Variants in IPO11 observed in about 807,000 individuals in gnomAD.
IPO11 encodes importin-11.
Under a neutral mutation model 143.2 loss-of-function variants are expected in IPO11, and 66 were observed. The observed-to-expected ratio is 0.46, with a 90% CI of 0.38 to 0.57. The LOEUF (loss-of-function observed/expected upper bound fraction) is 0.57, where lower values mean the gene tolerates loss of function less well. Ranked by LOEUF, IPO11 falls within the 20% of genes least tolerant of loss-of-function variation. The pLI is 0.00. For synonymous variants in IPO11, 385 were observed against 377.8 expected (o/e 1.02, Z -0.22); for missense variants, 1,026 against 1,141.0 (o/e 0.90, Z 1.45).
intron 2 of IPO11, among the ~76,000 whole-genome samples, chr5:62,440,428 C>T (rs919732979): frequency 7.4e-5 from 11 of 147,700 alleles, no homozygotes; most frequent in Admixed American, 6.9e-4. Flanking sequence ...GATCTCAGCT[C>T]ACTGCAACTT....
intron 24 of IPO11, among the ~76,000 whole-genome samples, chr5:62,549,408 A>G (rs1475375736): frequency 1.3e-5 from 2 of 152,178 alleles, no homozygotes; most frequent in African/African-American, 2.4e-5. Context: ...GGAGTACACT[A>G]TTGGCACACA....
chr5:62,489,068 T>C (rs974961711), intron 13 of IPO11, among the ~76,000 whole-genome samples: 1 of 152,208 alleles, frequency 6.6e-6, no homozygotes, highest in Admixed American at 6.5e-5. Flanking sequence ...TTTTCTAGAA[T>C]ATTGCTTGTC....
chr5:62,450,069 G>A, intron 4 of IPO11, 70 bp downstream of exon 4: 1 of 961,010 alleles, frequency 1.0e-6, no homozygotes, highest in Non-Finnish European at 1.6e-6. Flanking sequence ...TTATATTCTG[G>A]CATTAAAATG....
chr5:62,550,483 C>A (rs1228755796), intron 25 of IPO11, 21 bp downstream of exon 25: 3 of 1,505,816 alleles, frequency 2.0e-6, no homozygotes, highest in Admixed American at 1.7e-5. Flanking sequence ...TCTTTAAGTT[C>A]CAAAGGTAGT....
chr5:62,532,984 A>G lies in IPO11; in HGVS notation c.2089+2199A>G, dbSNP rs114471049. Among the ~76,000 whole-genome samples, 1,202 of 152,276 alleles carry G rather than the reference A, an allele frequency of 7.9e-3. 20 individuals carry two copies. Among genetic ancestry groups the G allele is most frequent in the African/African-American group, 0.027 (1,138 of 41,568 alleles). The stretch of plus-strand genomic sequence containing the variant: ...TATTTTATAAAGTTTCAATGAATAT[A>G]GGTGATGTGGATTCTATTATTTATT... On this transcript the variant is annotated intron_variant, in intron 22 of 29. Transcript: ENST00000325324.
chr5:62,506,235 C>T lies in IPO11; in HGVS notation c.1666-6C>T. ...CCTTTTTTATTTTCTTTCTTTTTAC[C>T]TGCAGTATTTGGAAACCATGTTCAC... On this transcript the variant is annotated splice_polypyrimidine_tract_variant and splice_region_variant and intron_variant, in intron 18 of 29. Transcript: ENST00000325324. 6.7e-7 allele frequency: 1 copy of T among 1,503,636 alleles called. No homozygotes were observed. The highest frequency in any genetic ancestry group is 9.2e-7 in the Non-Finnish European group (1 of 1,088,946). The allele number at this position is 1,503,636 out of a possible 1,614,324, so 93.1% of individuals were successfully genotyped here.
chr5:62,549,582 A>G (rs1430607163), intron 24 of IPO11, among the ~76,000 whole-genome samples: 1 of 152,212 alleles, frequency 6.6e-6, no homozygotes, highest in African/African-American at 2.4e-5. Context: ...TAACCCTCTC[A>G]GATGGTATCT....
chr5:62,606,900 T>G (rs1283586123), intron 29 of IPO11, among the ~76,000 whole-genome samples: 1 of 152,228 alleles, frequency 6.6e-6, no homozygotes. Flanking sequence ...ATACGTTAGG[T>G]TGAGTTGCAT....
At chr5:62,515,614 A>G in intron 20 of IPO11, 113 bp downstream of exon 20, 1 of 592,554 alleles carries the variant, frequency 1.7e-6, no homozygotes, top group Non-Finnish European at 2.8e-6. Context: ...AAAACTTCAC[A>G]TATCTTTTAT....
At chr5:62,627,101 G>A in intron 29 of IPO11, 53 bp from the exon 30 acceptor site, 5 of 1,515,902 alleles carry the variant, frequency 3.3e-6, no homozygotes, top group Non-Finnish European at 4.5e-6. Flanking sequence ...ATTGCAGGTA[G>A]GAGAGACTTG....
At chr5:62,513,259 G>C (rs1741839423) in intron 19 of IPO11, among the ~76,000 whole-genome samples, 1 of 151,384 alleles carries the variant, frequency 6.6e-6, no homozygotes, top group Non-Finnish European at 1.5e-5. Flanking sequence ...GGCCGGGCGG[G>C]GGGCTGACCC....
intron 29 of IPO11, among the ~76,000 whole-genome samples, chr5:62,616,776 A>T (rs1746156393): frequency 6.6e-6 from 1 of 151,816 alleles, no homozygotes; most frequent in Non-Finnish European, 1.5e-5. Flanking sequence ...GCTTTAGAAA[A>T]ATTAGCCTCA....
intron 29 of IPO11, among the ~76,000 whole-genome samples, chr5:62,605,893 G>A (rs893207322): frequency 1.6e-4 from 24 of 151,932 alleles, no homozygotes; most frequent in South Asian, 2.1e-4. Context: ...ATGCCACTAC[G>A]CTAATTTTTA....
intron 5 of IPO11, among the ~76,000 whole-genome samples, chr5:62,455,577 G>C (rs754769402): frequency 4.6e-5 from 7 of 152,102 alleles, no homozygotes; most frequent in Non-Finnish European, 8.8e-5. Flanking sequence ...GCAAAGTGTA[G>C]TGCACAGGGT....
intron 20 of IPO11, among the ~76,000 whole-genome samples, chr5:62,524,752 G>A (rs1000403706): frequency 6.6e-6 from 1 of 152,154 alleles, no homozygotes; most frequent in Non-Finnish European, 1.5e-5. Flanking sequence ...CTGGAGAATT[G>A]CAGATAAAAT....
At chr5:62,436,004 A>G (rs1561309629) in intron 1 of IPO11, among the ~76,000 whole-genome samples, 2 of 152,222 alleles carry the variant, frequency 1.3e-5, no homozygotes, top group African/African-American at 4.8e-5. Flanking sequence ...CCTGGGTGAC[A>G]GAGTGAGACT....
At chr5:62,425,943 T>C (rs1561304615) in intron 1 of IPO11, among the ~76,000 whole-genome samples, 1 of 152,292 alleles carries the variant, frequency 6.6e-6, no homozygotes, top group Non-Finnish European at 1.5e-5. Context: ...AAGTACCTAA[T>C]AGACATGACT....
intron 27 of IPO11, chr5:62,579,252 T>A: frequency 1.6e-6 from 1 of 612,744 alleles, no homozygotes; most frequent in Non-Finnish European, 2.9e-6. Flanking sequence ...TATTCCATAC[T>A]CATTATTTTT....
chr5:62,548,823 G>T (rs959465749), intron 24 of IPO11, among the ~76,000 whole-genome samples: 49 of 152,126 alleles, frequency 3.2e-4, no homozygotes, highest in African/African-American at 1.2e-3. Flanking sequence ...GTTTCCTCTT[G>T]AATTTCTTTC....
Sources: allele counts gnomAD v4.1 joint callset (sites outside exome capture counted in the v4.1 genomes callset), GRCh38; gene constraint gnomAD v4.1.1; transcripts MANE v1.5; gene names NCBI Gene and HGNC (gene_info 2026-07-23, HGNC 2026-07-21).